GRID2: variants seen among roughly 807,000 people sequenced by gnomAD.
GRID2 encodes glutamate ionotropic receptor delta type subunit 2, also known as glutamate receptor ionotropic, delta-2.
GRID2 carries 33 observed loss-of-function variants against 114.8 expected under a neutral mutation model. That is an observed-to-expected ratio of 0.29 (90% CI 0.22 to 0.38). GRID2 has a LOEUF of 0.38. GRID2 is among the 10% of genes least tolerant of loss of function. GRID2 has a pLI of 1.00. For missense variants in GRID2, 1,184 were observed against 1,257.7 expected (o/e 0.94, Z 0.89); for synonymous variants, 505 against 449.9 (o/e 1.12, Z -1.55).
rs546729747 is a variant in GRID2 at position 92,755,813 on chromosome 4, G to A, written c.244+165527G>A. 6.8e-4 allele frequency among the ~76,000 whole-genome samples: 104 copies of A among 152,188 alleles called. No homozygotes were observed. In the South Asian group the frequency reaches 9.1e-3, roughly 13 times the overall value. ...ATTGCAAGAATTTAAGCAGTGAAAT[G>A]ACATTGTTATATTTACATGTTTTTA... On this transcript the variant is annotated intron_variant, in intron 2 of 15. Transcript: ENST00000282020.
intron 1 of GRID2, among the ~76,000 whole-genome samples, chr4:92,551,990 A>T (rs933250975): frequency 2.0e-5 from 3 of 152,094 alleles, no homozygotes; most frequent in African/African-American, 7.2e-5. Flanking sequence ...TAGTAATAAG[A>T]ACACTAAGGG....
At chr4:92,704,435 A>G (rs1003788891) in intron 2 of GRID2, among the ~76,000 whole-genome samples, 7 of 152,220 alleles carry the variant, frequency 4.6e-5, no homozygotes, top group Non-Finnish European at 8.8e-5. Context: ...TTGTTTTGTT[A>G]AAATGAGAAC....
Position 93,793,425 on chromosome 4 carries a change from A to G in GRID2, c.222-13290A>G, listed in dbSNP as rs530393693. ...ACACTTTAAAGACCATTGTTCTAGA[A>G]CAATGCCCTGACTTTTGTGCCTAAA... On this transcript the variant is annotated intron_variant, in intron 1 of 1. Transcript: ENST00000637838. Among the ~76,000 whole-genome samples, 38 of 152,302 alleles carry G rather than the reference A, an allele frequency of 2.5e-4. No individual in the cohort carries two copies. In the South Asian group the frequency reaches 7.3e-3, roughly 29 times the overall value.
At chr4:92,911,069 T>C (rs1049122674) in intron 2 of GRID2, among the ~76,000 whole-genome samples, 1 of 152,028 alleles carries the variant, frequency 6.6e-6, no homozygotes, top group Non-Finnish European at 1.5e-5. Flanking sequence ...TGAGACTATT[T>C]TTCTCATGTT....
intron 2 of GRID2, among the ~76,000 whole-genome samples, chr4:92,943,545 T>A (rs1751352115): frequency 6.6e-6 from 1 of 151,848 alleles, no homozygotes; most frequent in Non-Finnish European, 1.5e-5. Flanking sequence ...TAGCTCGGAG[T>A]AGTTTGATCG....
intron 2 of GRID2, among the ~76,000 whole-genome samples, chr4:92,941,742 G>A (rs1209043320): frequency 2.6e-5 from 4 of 152,140 alleles, no homozygotes; most frequent in Non-Finnish European, 5.9e-5. Flanking sequence ...TGCTTTGAAT[G>A]TGTCCCAGAG....
chr4:93,700,377 G>A (rs923879245), intron 14 of GRID2, among the ~76,000 whole-genome samples: 38 of 152,098 alleles, frequency 2.5e-4, no homozygotes, highest in Non-Finnish European at 5.1e-4. Flanking sequence ...GTCTCACTGT[G>A]AAGGATTCAC....
chr4:93,186,572 C>T (rs1307990251), intron 4 of GRID2, among the ~76,000 whole-genome samples: 2 of 152,136 alleles, frequency 1.3e-5, no homozygotes, highest in Admixed American at 6.6e-5. Context: ...ATGCTCTTCC[C>T]ACTCTAGCGA....
At chr4:92,399,001 T>G (rs1298649687) in intron 1 of GRID2, among the ~76,000 whole-genome samples, 1 of 152,204 alleles carries the variant, frequency 6.6e-6, no homozygotes, top group Non-Finnish European at 1.5e-5. Flanking sequence ...CTATTCATTT[T>G]TATTTTTTAC....
Position 92,569,045 on chromosome 4 carries a change from G to A in GRID2, c.89-21086G>A, listed in dbSNP as rs117983098. ...TAAATAGGCAAAAGTGTGCCATGGT[G>A]GTTTGGTGCACAGATCATCTTATCA... On this transcript the variant is annotated intron_variant, in intron 1 of 15. Transcript: ENST00000282020. 8.2e-3 allele frequency among the ~76,000 whole-genome samples: 1,248 copies of A among 152,016 alleles called. 37 individuals carry two copies. The East Asian group carries it at 0.098, about 12-fold the overall frequency.
chr4:92,821,238 A>T (rs1741261510), intron 2 of GRID2, among the ~76,000 whole-genome samples: 1 of 152,198 alleles, frequency 6.6e-6, no homozygotes, highest in African/African-American at 2.4e-5. Flanking sequence ...ATTCCAATAC[A>T]AAAATATGTG....
chr4:93,785,290 A>T lies in GRID2; in HGVS notation c.221+15840A>T, dbSNP rs533768921. On this transcript the variant is annotated intron_variant, in intron 1 of 1. Transcript: ENST00000637838. ...CGGTGTTTGCAATCTACTGGGGAAG[A>T]AAGACAATTTAACAGGCAATGACAA... is the stretch of plus-strand genomic sequence containing the variant. Among the ~76,000 whole-genome samples the T allele has an allele frequency of 5.3e-5, 8 of 152,344 alleles. No individual in the cohort carries two copies. The South Asian group carries it at 1.7e-3, about 32-fold the overall frequency.
chr4:93,238,748 T>A (rs1484467487), intron 8 of GRID2, among the ~76,000 whole-genome samples: 1 of 151,810 alleles, frequency 6.6e-6, no homozygotes, highest in Non-Finnish European at 1.5e-5. Context: ...TAGCATCATC[T>A]TTCATTTGTT....
chr4:93,036,186 A>G (rs969462071), intron 2 of GRID2, among the ~76,000 whole-genome samples: 1 of 152,050 alleles, frequency 6.6e-6, no homozygotes, highest in African/African-American at 2.4e-5. Context: ...ATAACCTAAA[A>G]CAACCTCTCT....
At chr4:92,340,609 A>G (rs1454663100) in intron 1 of GRID2, among the ~76,000 whole-genome samples, 5 of 152,210 alleles carry the variant, frequency 3.3e-5, no homozygotes, top group Admixed American at 2.6e-4. Flanking sequence ...TCAAAATTCA[A>G]TGTAAATAAA....
At chr4:92,684,272 G>C (rs966188635) in intron 2 of GRID2, among the ~76,000 whole-genome samples, 1 of 151,892 alleles carries the variant, frequency 6.6e-6, no homozygotes, top group Non-Finnish European at 1.5e-5. Flanking sequence ...ATTATCCTTG[G>C]TTACACAGGG....
chr4:93,799,199 C>T (rs914533625), intron 1 of GRID2, among the ~76,000 whole-genome samples: 2 of 152,168 alleles, frequency 1.3e-5, no homozygotes, highest in Admixed American at 1.3e-4. Flanking sequence ...ATAAGTAAGT[C>T]ATTGCAATGC....
At chr4:92,415,793 T>C (rs1344241260) in intron 1 of GRID2, among the ~76,000 whole-genome samples, 2 of 141,390 alleles carry the variant, frequency 1.4e-5, no homozygotes, top group African/African-American at 5.1e-5. Context: ...ACATTTTCTT[T>C]ATTCACTCAT....
At chr4:93,479,691 TAGAG>T in intron 11 of GRID2, among the ~76,000 whole-genome samples, 1 of 152,154 alleles carries the variant, frequency 6.6e-6, no homozygotes. Flanking sequence ...CCAGGAGACA[TAGAG>T]AGAAGAAATC....
Sources: gnomAD v4.1 joint callset for allele counts (sites outside exome capture counted in the v4.1 genomes callset) on GRCh38, gnomAD v4.1.1 for gene constraint, MANE v1.5 for transcripts, NCBI Gene and HGNC (gene_info 2026-07-23, HGNC 2026-07-21) for gene names.